Variants in APOO observed in about 807,000 individuals in gnomAD.
APOO encodes the protein apolipoprotein O.
APOO carries 11 observed loss-of-function variants against 23.1 expected under a neutral mutation model. The observed-to-expected ratio is 0.48, with a 90% CI of 0.30 to 0.79. The LOEUF is 0.79. Among genes scored for constraint, APOO ranks in the 30% least tolerant of loss-of-function variants. The pLI is 0.07. For missense variants in APOO, 160 were observed against 142.7 expected (o/e 1.12, Z -0.62); for synonymous variants, 59 against 54.8 (o/e 1.08, Z -0.34).
At chrX:23,854,819 G>A (rs1924709370) in intron 7 of APOO, among the ~76,000 whole-genome samples, 1 of 110,378 alleles carries the variant, frequency 9.1e-6, no homozygotes, top group Non-Finnish European at 1.9e-5. Context: ...CACCGCACCT[G>A]GCCGCATTTG....
intron 1 of APOO, among the ~76,000 whole-genome samples, chrX:23,888,890 A>T: frequency 1.0e-5 from 1 of 96,941 alleles, no homozygotes; most frequent in African/African-American, 3.8e-5. Flanking sequence ...CATAAGATTG[A>T]GTTTATTAGG....
At chrX:23,879,079 T>C in intron 2 of APOO, 45 bp from the exon 3 acceptor site, 1 of 1,154,140 alleles carries the variant, frequency 8.7e-7, no homozygotes, top group African/African-American at 1.8e-5. Flanking sequence ...ATGTACTGTC[T>C]ACAGGATACA....
Position 23,874,378 on chromosome X carries a change from T to A in APOO, c.292+25A>T. The A allele has an allele frequency of 2.5e-6, 3 of 1,188,980 alleles. No homozygotes were observed. The South Asian group carries it at 5.3e-5, about 21-fold the overall frequency. On this transcript the variant is annotated intron_variant, in intron 4 of 8. Coordinates refer to ENST00000379226, the MANE Select transcript of APOO (RefSeq NM_024122.5). ...GTTCAATGTTAATGAAGTAGCTGAT[T>A]ATGCCTAATTTAAAATCAACTTACC...
intron 5 of APOO, among the ~76,000 whole-genome samples, chrX:23,866,958 G>A (rs894884594): frequency 9.2e-6 from 1 of 109,176 alleles, no homozygotes; most frequent in African/African-American, 3.3e-5. Flanking sequence ...AAATTAGTTG[G>A]GCGTGGTGGT....
intron 1 of APOO, among the ~76,000 whole-genome samples, chrX:23,889,347 G>A (rs1926520572): frequency 9.0e-6 from 1 of 111,254 alleles, no homozygotes; most frequent in Non-Finnish European, 1.9e-5. Flanking sequence ...CTGGGATCAT[G>A]TTGTGATTAT....
At chrX:23,872,360 G>A (rs1422701292) in intron 4 of APOO, among the ~76,000 whole-genome samples, 1 of 109,900 alleles carries the variant, frequency 9.1e-6, no homozygotes, top group Non-Finnish European at 1.9e-5. Flanking sequence ...TCACGCCACT[G>A]GATTCCAGCC....
Position 23,849,583 on chromosome X carries a change from T to TAAAAAA in APOO, c.561+6713_561+6718dup, listed in dbSNP as rs143362355. Among the ~76,000 whole-genome samples, 22 of 32,593 alleles carry TAAAAAA rather than the reference T, an allele frequency of 6.7e-4. 1 individual carries two copies. Among genetic ancestry groups the TAAAAAA allele is most frequent in the Admixed American group, 1.7e-3 (4 of 2,386 alleles). The allele number at this position is 32,593 out of a possible 115,157, so 28.3% of individuals were successfully genotyped here. On this transcript the variant is annotated intron_variant, in intron 7 of 8. Transcript: ENST00000379226. ...GGGAGCCTGTAGATTAAGAGAGACTTAAAAAAAAAAAAAAAAAAAAAAAAA... is the reference window on the plus strand; with the variant it reads ...GGGAGCCTGTAGATTAAGAGAGACTTAAAAAAAAAAAAAAAAAAAAAAAAAAAAAAA...
chrX:23,868,788 T>C (rs1925460334), intron 4 of APOO, 100 bp from the exon 5 acceptor site: 1 of 544,012 alleles, frequency 1.8e-6, no homozygotes, highest in East Asian at 3.9e-5. Flanking sequence ...TAGTATCAAG[T>C]GCTTTTCAAA....
intron 3 of APOO, among the ~76,000 whole-genome samples, chrX:23,877,191 C>T (rs1925898221): frequency 1.8e-5 from 2 of 112,076 alleles, no homozygotes; most frequent in Non-Finnish European, 3.8e-5. Context: ...GTCATGCCTA[C>T]ATGATACAAA....
chrX:23,883,234 G>A (rs1342954139), intron 1 of APOO: 2 of 111,136 alleles, frequency 1.8e-5, no homozygotes, highest in African/African-American at 3.3e-5. Flanking sequence ...CCCAAATATC[G>A]TATTTCCCAA....
At chrX:23,849,609 A>AAAAAAG (rs1311653969) in intron 7 of APOO, among the ~76,000 whole-genome samples, 9 of 94,476 alleles carry the variant, frequency 9.5e-5, no homozygotes, top group African/African-American at 1.4e-4. Flanking sequence ...AAAAAAAAAA[A>AAAAAAG]GTTCGGGCAT....
chrX:23,873,663 A>C (rs5925628), intron 4 of APOO, among the ~76,000 whole-genome samples: 52,560 of 109,819 alleles, frequency 0.48, 11,356 homozygotes, highest in African/African-American at 0.83. Context: ...TCTTCAAACG[A>C]TAAATTTATC....
Position 23,860,679 on chromosome X carries a change from AT to A in APOO, c.389-1947del, listed in dbSNP as rs1220971863. On this transcript the variant is annotated intron_variant, in intron 5 of 8. Transcript: ENST00000379226. ...AGGTGCAAGCCATCATGCCTGGCTA[AT>A]TTTTTTTTTTTCTGTAGTTTTTGTA... 8.2e-4 allele frequency among the ~76,000 whole-genome samples: 83 copies of A among 101,822 alleles called. 1 individual carries two copies. The highest frequency in any genetic ancestry group is 1.6e-3 in the African/African-American group (45 of 28,347). 88.4% of individuals were successfully genotyped at this position (101,822 alleles called of 115,157 possible). A position where few individuals can be genotyped will look rare whatever the true frequency, so the allele number is the denominator to read the frequency against.
At chrX:23,899,092 C>T (rs1927024238) in intron 1 of APOO, among the ~76,000 whole-genome samples, 1 of 112,044 alleles carries the variant, frequency 8.9e-6, no homozygotes, top group African/African-American at 3.2e-5. Context: ...GAGGGGGCTC[C>T]TCATCCTCAT....
At chrX:23,897,591 G>A (rs1051264315) in intron 1 of APOO, among the ~76,000 whole-genome samples, 11 of 112,008 alleles carry the variant, frequency 9.8e-5, no homozygotes, top group East Asian at 2.8e-4. Flanking sequence ...GGAAAAAATC[G>A]TTGGGAAACA....
intron 1 of APOO, among the ~76,000 whole-genome samples, chrX:23,883,102 A>G (rs1285822724): frequency 9.0e-6 from 1 of 111,594 alleles, no homozygotes; most frequent in Non-Finnish European, 1.9e-5. Flanking sequence ...ATAAAAGAAA[A>G]GTGATACGGG....
chrX:23,902,755 AC>A (rs894530189), intron 1 of APOO, among the ~76,000 whole-genome samples: 8 of 111,605 alleles, frequency 7.2e-5, no homozygotes, highest in African/African-American at 2.6e-4. Context: ...CACTTTTACT[AC>A]CATTGTACTT....
intron 4 of APOO, 34 bp downstream of exon 4, chrX:23,874,369 G>A (rs1271246172): frequency 8.7e-7 from 1 of 1,151,368 alleles, no homozygotes; most frequent in Admixed American, 2.2e-5. Flanking sequence ...TGTTAATGAA[G>A]TAGCTGATTA....
At position 23,835,359 on chromosome X, in the gene APOO, G is replaced by A. The variant is rs182652785; in HGVS notation, c.*30-1747C>T. ...ATTACAGGTATGAGCCACCGTGCCC[G>A]GCACAATTGGAGATTTCTAAATATT... On this transcript the variant is annotated intron_variant, in intron 8 of 8. Transcript: ENST00000379226. 2.4e-3 allele frequency among the ~76,000 whole-genome samples: 268 copies of A among 111,735 alleles called. 1 individual carries two copies. The highest frequency in any genetic ancestry group is 8.3e-3 in the African/African-American group (256 of 30,812).
Sources: gnomAD v4.1 joint callset for allele counts (sites outside exome capture counted in the v4.1 genomes callset) on GRCh38, gnomAD v4.1.1 for gene constraint, MANE v1.5 for transcripts, NCBI Gene and HGNC (gene_info 2026-07-23, HGNC 2026-07-21) for gene names.